The following IL1RAPL2 variants were observed in gnomAD, a reference collection of about 807,000 sequenced individuals.
IL1RAPL2 encodes X-linked interleukin-1 receptor accessory protein-like 2.
In IL1RAPL2, 3 loss-of-function variants were observed where a neutral mutation model predicts 44.1. The ratio of observed to expected loss-of-function variants is 0.07; its 90% CI spans 0.03 to 0.18. The LOEUF (loss-of-function observed/expected upper bound fraction) is 0.18. Ranked by LOEUF, IL1RAPL2 falls within the 10% of genes least tolerant of loss-of-function variation. The pLI is 1.00. For synonymous variants in IL1RAPL2, 181 were observed against 178.8 expected, an observed-to-expected ratio of 1.01 and a Z score of -0.10; for missense variants, 391 against 496.4, an observed-to-expected ratio of 0.79 and a Z score of 2.02.
chrX:104,744,423 C>T (rs776983417), intron 2 of IL1RAPL2, among the ~76,000 whole-genome samples: 2 of 111,389 alleles, frequency 1.8e-5, no homozygotes, highest in Non-Finnish European at 3.8e-5. Flanking sequence ...CTAGGCTTCT[C>T]AAAACATAGT....
At chrX:105,357,564 G>C (rs915575378) in intron 5 of IL1RAPL2, among the ~76,000 whole-genome samples, 3 of 110,301 alleles carry the variant, frequency 2.7e-5, no homozygotes, top group African/African-American at 9.9e-5. Flanking sequence ...AATCAATAAA[G>C]GGAATGGTTG....
chrX:105,424,240 A>G (rs1039625125), intron 5 of IL1RAPL2, among the ~76,000 whole-genome samples: 4 of 112,100 alleles, frequency 3.6e-5, no homozygotes, highest in African/African-American at 1.3e-4. Flanking sequence ...TTTTAGAGAG[A>G]CATGAGACAT....
rs761928801 is a variant in IL1RAPL2 at position 105,589,091 on chromosome X, A to T, written c.772+104704A>T. ...GATAATAGCCATTCCAAGTGGAGTGAGATGATATCTCATTGTGGTTTTGAT... is the reference window on the plus strand; with the variant it reads ...GATAATAGCCATTCCAAGTGGAGTGTGATGATATCTCATTGTGGTTTTGAT... On this transcript the variant is annotated intron_variant, in intron 6 of 10. Transcript: ENST00000372582. 3.6e-5 allele frequency among the ~76,000 whole-genome samples: 4 copies of T among 111,937 alleles called. No homozygotes were observed. In the East Asian group the frequency reaches 1.1e-3, roughly 32 times the overall value.
Position 104,794,274 on chromosome X carries a change from G to A in IL1RAPL2, c.82+135279G>A, listed in dbSNP as rs187645902. 3.3e-4 allele frequency among the ~76,000 whole-genome samples: 37 copies of A among 112,115 alleles called. No homozygotes were observed. In the Admixed American group the frequency reaches 3.4e-3, roughly 10 times the overall value. ...GCACTATGATACAGACATGTTGCAAGTATGGCAAGCATTTAAGTGGTGCTG... is the reference window on the plus strand; with the variant it reads ...GCACTATGATACAGACATGTTGCAAATATGGCAAGCATTTAAGTGGTGCTG... On this transcript the variant is annotated intron_variant, in intron 2 of 10. Transcript: ENST00000372582.
rs1400967616 is a variant in IL1RAPL2 at position 104,585,355 on chromosome X, TA to T, written c.-20+18305del. On this transcript the variant is annotated intron_variant, in intron 1 of 10. Transcript: ENST00000372582. ...TATATATTATATATTATATATATTA[TA>T]TATATTATATATATTATATATAATA... 2.0e-4 allele frequency among the ~76,000 whole-genome samples: 4 copies of T among 20,042 alleles called. 1 individual carries two copies. The highest frequency in any genetic ancestry group is 1.9e-3 in the African/African-American group (4 of 2,070). 17.4% of individuals were successfully genotyped at this position (20,042 alleles called of 115,157 possible).
At chrX:105,055,856 C>G (rs1169210386) in intron 2 of IL1RAPL2, among the ~76,000 whole-genome samples, 3 of 111,553 alleles carry the variant, frequency 2.7e-5, no homozygotes, top group African/African-American at 9.8e-5. Context: ...TATTAAGAGA[C>G]TACTCTGGTA....
chrX:104,928,217 T>C (rs1388218926), intron 2 of IL1RAPL2, among the ~76,000 whole-genome samples: 1 of 111,827 alleles, frequency 8.9e-6, no homozygotes, highest in Non-Finnish European at 1.9e-5. Context: ...TTATTGACTA[T>C]AGTATCTCTG....
intron 3 of IL1RAPL2, among the ~76,000 whole-genome samples, chrX:105,231,582 A>G (rs1478917818): frequency 8.0e-5 from 9 of 112,471 alleles, no homozygotes; most frequent in Non-Finnish European, 7.5e-5. Context: ...TCTACTATCT[A>G]TTCATTTAGA....
intron 2 of IL1RAPL2, among the ~76,000 whole-genome samples, chrX:105,141,135 C>A (rs1370624322): frequency 9.0e-6 from 1 of 111,494 alleles, no homozygotes; most frequent in Non-Finnish European, 1.9e-5. Context: ...TAATTTAAAT[C>A]TCATTAACTG....
At chrX:105,583,995 T>C (rs2037108761) in intron 6 of IL1RAPL2, among the ~76,000 whole-genome samples, 3 of 112,202 alleles carry the variant, frequency 2.7e-5, no homozygotes, top group Admixed American at 1.9e-4. Context: ...CTTTGCCCCA[T>C]AGATTATTTA....
intron 2 of IL1RAPL2, among the ~76,000 whole-genome samples, chrX:105,095,614 CAA>C (rs1353336334): frequency 5.4e-5 from 6 of 111,405 alleles, no homozygotes; most frequent in African/African-American, 2.0e-4. Context: ...GTCTTTTCAA[CAA>C]ATAGTGCTGA....
At chrX:104,881,984 T>A (rs953986934) in intron 2 of IL1RAPL2, among the ~76,000 whole-genome samples, 1 of 112,027 alleles carries the variant, frequency 8.9e-6, no homozygotes, top group African/African-American at 3.2e-5. Flanking sequence ...TTATGAAAAA[T>A]CCAAGCTTAC....
At chrX:105,741,431 G>T (rs1208913499) in intron 8 of IL1RAPL2, among the ~76,000 whole-genome samples, 4 of 111,576 alleles carry the variant, frequency 3.6e-5, no homozygotes, top group Non-Finnish European at 1.9e-5. Flanking sequence ...ATGTACATCC[G>T]GCAAAGGCTT....
chrX:104,891,697 G>A (rs1476327022), intron 2 of IL1RAPL2, among the ~76,000 whole-genome samples: 1 of 111,991 alleles, frequency 8.9e-6, no homozygotes, highest in Non-Finnish European at 1.9e-5. Context: ...ATTTTGGGCT[G>A]AAATGATGGA....
intron 2 of IL1RAPL2, among the ~76,000 whole-genome samples, chrX:105,076,680 G>C (rs888575874): frequency 1.8e-5 from 2 of 111,306 alleles, no homozygotes; most frequent in Non-Finnish European, 3.8e-5. Context: ...GGTGGTCTAA[G>C]TCTCTTTGTA....
intron 2 of IL1RAPL2, among the ~76,000 whole-genome samples, chrX:104,878,611 T>C (rs1261377928): frequency 8.9e-6 from 1 of 111,874 alleles, no homozygotes; most frequent in Non-Finnish European, 1.9e-5. Context: ...TGGCTAATCA[T>C]AGTTAAACTT....
intron 2 of IL1RAPL2, among the ~76,000 whole-genome samples, chrX:105,194,598 A>G (rs782781814): frequency 8.9e-6 from 1 of 111,856 alleles, no homozygotes; most frequent in South Asian, 3.8e-4. Flanking sequence ...TACAGCTGAC[A>G]GTAATATAAT....
At chrX:105,710,954 TTATATATA>T (rs895517546) in intron 6 of IL1RAPL2, among the ~76,000 whole-genome samples, 5 of 105,151 alleles carry the variant, frequency 4.8e-5, no homozygotes, top group Admixed American at 1.0e-4. Context: ...ATATATATAT[TTATATATA>T]TATGTGTGCA....
intron 2 of IL1RAPL2, among the ~76,000 whole-genome samples, chrX:104,675,961 C>T (rs1022076003): frequency 3.8e-5 from 4 of 104,794 alleles, no homozygotes; most frequent in African/African-American, 1.4e-4. Flanking sequence ...GGTAGATCTT[C>T]CTCCATCCTT....
Sources: allele counts gnomAD v4.1 joint callset (sites outside exome capture counted in the v4.1 genomes callset), GRCh38; gene constraint gnomAD v4.1.1; transcripts MANE v1.5; gene names NCBI Gene and HGNC (gene_info 2026-07-23, HGNC 2026-07-21).